Variants in CREBBP observed in about 807,000 individuals in gnomAD.
CREBBP encodes CREB binding lysine acetyltransferase.
In CREBBP, 19 loss-of-function variants were observed where a neutral mutation model predicts 265.0. That is an observed-to-expected ratio of 0.07 (90% CI 0.05 to 0.11). The LOEUF is 0.11. Ranked by LOEUF, CREBBP falls within the 10% of genes least tolerant of loss-of-function variation. The pLI is 1.00. For missense variants in CREBBP, 2,525 were observed against 3,219.0 expected (o/e 0.78, Z 5.22); for synonymous variants, 1,457 against 1,223.7 (o/e 1.19, Z -3.98).
At chr16:3,840,886 A>C (rs1159486193) in intron 2 of CREBBP, 3 of 156,080 alleles carry the variant, frequency 1.9e-5, no homozygotes, top group Non-Finnish European at 4.4e-5. Flanking sequence ...ACTGGGCTTA[A>C]GGGAGTTCAG....
In CREBBP at chr16:3,729,839, C is replaced by T. The variant is rs2151312522; in HGVS notation, c.5208G>A (p.Lys1736=). 1.2e-6 allele frequency: 2 copies of T among 1,603,856 alleles called. No individual in the cohort carries two copies. Among genetic ancestry groups the T allele is most frequent in the Non-Finnish European group, 1.7e-6 (2 of 1,179,958 alleles). The stretch of plus-strand genomic sequence containing the variant: ...ACTTCACCATCTTATGGGCATGGCT[C>T]TTCGTGTTATAGCAGTTGATGCAGA... The part of the protein sequence containing the change: ...YDLCINCYNT[K]SHAHKMVKWG... The change falls in exon 31 of 31, where the codon AAG becomes AAA. Residue 1736 remains lysine (K), a synonymous_variant. Coordinates refer to ENST00000262367, the MANE Select transcript of CREBBP (RefSeq NM_004380.3).
chr16:3,757,587 G>A (rs1469058705), intron 18 of CREBBP, among the ~76,000 whole-genome samples: 1 of 152,186 alleles, frequency 6.6e-6, no homozygotes, highest in Non-Finnish European at 1.5e-5. Flanking sequence ...ACCACAGGCA[G>A]AGAGGGGCAG....
Position 3,729,147 on chromosome 16 carries a change from T to C in CREBBP, c.5900A>G (p.Gln1967Arg). 8 of 1,320,612 alleles carry C rather than the reference T, an allele frequency of 6.1e-6. No individual in the cohort carries two copies. Among genetic ancestry groups the C allele is most frequent in the Non-Finnish European group, 7.9e-6 (8 of 1,012,196 alleles). The allele number at this position is 1,320,612 out of a possible 1,614,324, so 81.8% of individuals were successfully genotyped here. A position where few individuals can be genotyped will look rare whatever the true frequency, so the allele number is the denominator to read the frequency against. The change falls in exon 31 of 31, where the codon CAG becomes CGG. Residue 1967 changes from glutamine (Q) to arginine (R), a missense_variant. This residue lies in a region of CREBBP where 275 missense variants were observed against 276.5 expected (regional missense o/e 0.99). Coordinates refer to ENST00000262367, the MANE Select transcript of CREBBP (RefSeq NM_004380.3). ...CACCCGGTACAGGTGCTGCTGCTGCTGGGCCTCACGCTCGATCTGCCGAGC... is the reference window on the plus strand; with the variant it reads ...CACCCGGTACAGGTGCTGCTGCTGCCGGGCCTCACGCTCGATCTGCCGAGC... ...EAARQIEREAQQQQHLYRVNI... is the reference protein window; with the variant it reads ...EAARQIEREARQQQHLYRVNI...
At chr16:3,875,586 G>T (rs113424186) in intron 1 of CREBBP, among the ~76,000 whole-genome samples, 88 of 152,342 alleles carry the variant, frequency 5.8e-4, no homozygotes, top group African/African-American at 1.1e-3. Flanking sequence ...TCTCATTCAT[G>T]TGCGGGAAGG....
In CREBBP at chr16:3,767,900, C is replaced by T. The variant is rs2141183828; in HGVS notation, c.3070G>A (p.Glu1024Lys). 3 of 1,614,088 alleles carry T rather than the reference C, an allele frequency of 1.9e-6. No homozygotes were observed. Among genetic ancestry groups the T allele is most frequent in the Non-Finnish European group, 2.5e-6 (3 of 1,179,994 alleles). ...KGEPRSEMME[E>K]DLQGASQVKE... ...ACTTGGGAAGCTCCTTGCAAATCCT[C>T]CTCCATCATCTTGAGAAAAACATTA... Residue 1024 changes from glutamate (E) to lysine (K), a missense_variant, in exon 16 of 31, where the codon GAG (glutamate) becomes AAG (lysine). Coordinates refer to ENST00000262367, the MANE Select transcript of CREBBP (RefSeq NM_004380.3).
intron 22 of CREBBP, 120 bp from the exon 23 acceptor site, chr16:3,745,081 GT>G: frequency 1.1e-6 from 1 of 928,254 alleles, no homozygotes; most frequent in South Asian, 1.4e-5. Context: ...AAATTAAAGA[GT>G]GAAGAGGCAG....
chr16:3,749,087 C>A (rs563752010), intron 21 of CREBBP, among the ~76,000 whole-genome samples: 2 of 152,350 alleles, frequency 1.3e-5, no homozygotes, highest in South Asian at 2.1e-4. Context: ...GCGGAGCCTG[C>A]AGTGAGCCGA....
chr16:3,861,789 G>GTTTTTTTTTTTT, intron 1 of CREBBP, among the ~76,000 whole-genome samples: 1 of 149,688 alleles, frequency 6.7e-6, no homozygotes, highest in Non-Finnish European at 1.5e-5. Context: ...TGACTATTAG[G>GTTTTTTTTTTTT]AAATAATTAA....
intron 21 of CREBBP, chr16:3,745,609 A>C: frequency 1.9e-6 from 1 of 525,930 alleles, no homozygotes; most frequent in East Asian, 3.3e-5. Context: ...TGCAACCAGA[A>C]AGGAAACTTT....
chr16:3,817,579 C>G (rs920032334), intron 2 of CREBBP, among the ~76,000 whole-genome samples: 14 of 152,132 alleles, frequency 9.2e-5, no homozygotes, highest in African/African-American at 3.1e-4. Flanking sequence ...AGAGAAAAGT[C>G]AAGTCAAGTC....
intron 3 of CREBBP, among the ~76,000 whole-genome samples, chr16:3,798,724 A>C (rs1211661878): frequency 6.6e-6 from 1 of 152,222 alleles, no homozygotes; most frequent in African/African-American, 2.4e-5. Flanking sequence ...ATCCTCATAC[A>C]TTGGTGTGGG....
At chr16:3,846,877 TTAAGAA>T (rs1453923205) in intron 2 of CREBBP, among the ~76,000 whole-genome samples, 3 of 152,210 alleles carry the variant, frequency 2.0e-5, no homozygotes, top group Non-Finnish European at 2.9e-5. Context: ...AATTCAAGAA[TTAAGAA>T]TTAACTCTCT....
In CREBBP at chr16:3,728,568, G is replaced by A. The variant is rs779980394; in HGVS notation, c.6479C>T (p.Ala2160Val). The change falls in exon 31 of 31, where the codon GCG becomes GTG. Residue 2160 changes from alanine to valine, a missense_variant. Physicochemically the swap from Ala to Val is moderately conservative, Grantham distance 64. Around this residue, in one of 19 missense-constraint regions of CREBBP, gnomAD observed 473 missense variants for 459.3 expected, o/e 1.03. Transcript: ENST00000262367. This position sits in a 1 kb window ranked among gnomAD's most constrained non-coding sequence, Gnocchi z 8.7. ...PRPGVPPQQQ[A>V]MGGLNPQGQA... ...GCCCTGGGGGTTCAGGCCTCCCATC[G>A]CCTGCTGCTGTGGAGGCACACCGGG... The A allele has an allele frequency of 9.9e-6, 16 of 1,613,962 alleles. No homozygotes were observed. In the East Asian group the frequency reaches 2.2e-4, roughly 22 times the overall value.
intron 15 of CREBBP, among the ~76,000 whole-genome samples, chr16:3,768,858 C>G (rs1053115908): frequency 1.6e-4 from 25 of 152,286 alleles, no homozygotes; most frequent in African/African-American, 5.8e-4. Context: ...GAATCCACCA[C>G]CCCTTCTGTA....
rs762582037 is a variant in CREBBP at position 3,769,304 on chromosome 16, G to A, written c.2930C>T (p.Ser977Leu). ...GGAATTGGTTTCTGCGCTGGCCACCGAGGAGGGGGTAGGGACTCTGTTATC... is the reference window on the plus strand; with the variant it reads ...GGAATTGGTTTCTGCGCTGGCCACCAAGGAGGGGGTAGGGACTCTGTTATC... ...SIDNRVPTPSSVASAETNSQQ... is the reference protein window; with the variant it reads ...SIDNRVPTPSLVASAETNSQQ... Residue 977 changes from serine (S) to leucine (L), a missense_variant, in exon 15 of 31, where the codon TCG (serine) becomes TTG (leucine). Ser to Leu is a moderately radical substitution (Grantham distance 145). This residue lies in a region of CREBBP where 548 missense variants were observed against 533.0 expected (regional missense o/e 1.03). Coordinates refer to ENST00000262367, the MANE Select transcript of CREBBP (RefSeq NM_004380.3). The A allele has an allele frequency of 4.3e-6, 7 of 1,614,186 alleles. No homozygotes were observed. Among genetic ancestry groups the A allele is most frequent in the East Asian group, 4.5e-5 (2 of 44,886 alleles).
intron 1 of CREBBP, among the ~76,000 whole-genome samples, chr16:3,855,860 C>A (rs929595974): frequency 3.9e-5 from 6 of 152,180 alleles, no homozygotes; most frequent in Non-Finnish European, 8.8e-5. Flanking sequence ...TTAAAAAGTC[C>A]TCTCTATCAT....
At chr16:3,777,730 A>G in intron 10 of CREBBP, 73 bp from the exon 11 acceptor site, 1 of 1,566,284 alleles carries the variant, frequency 6.4e-7, no homozygotes, top group East Asian at 2.2e-5. Context: ...CAGGAATAGG[A>G]AATTTCTTAT....
intron 3 of CREBBP, among the ~76,000 whole-genome samples, chr16:3,794,668 G>A (rs913047131): frequency 1.3e-5 from 2 of 152,226 alleles, no homozygotes; most frequent in African/African-American, 4.8e-5. Flanking sequence ...TTTGCTTTCA[G>A]TTGCCTGAAA....
intron 27 of CREBBP, 80 bp downstream of exon 27, chr16:3,736,570 T>C: frequency 9.5e-6 from 15 of 1,574,084 alleles, no homozygotes; most frequent in Non-Finnish European, 1.2e-5. Context: ...TTAACAAGTA[T>C]GCGAATGCAA....
Sources: gnomAD v4.1 joint callset for allele counts (sites outside exome capture counted in the v4.1 genomes callset) on GRCh38, gnomAD v4.1.1 for gene constraint, gnomAD v4.1.1 regional missense constraint, Gnocchi (gnomAD v3.1) non-coding constraint, MANE v1.5 for transcripts, NCBI Gene and HGNC (gene_info 2026-07-23, HGNC 2026-07-21) for gene names.